Variants in PDZD2 observed in about 807,000 individuals in gnomAD.
PDZD2 encodes the protein PDZ domain containing 2.
PDZD2 carries 90 observed loss-of-function variants against 220.7 expected under a neutral mutation model. That is an observed-to-expected ratio of 0.41 (90% CI 0.34 to 0.49). The LOEUF is 0.49. Among genes scored for constraint, PDZD2 ranks in the 20% least tolerant of loss-of-function variants. The pLI is 0.28. For synonymous variants in PDZD2, 1,375 were observed against 1,450.5 expected, an observed-to-expected ratio of 0.95 and a Z score of 1.18; for missense variants, 3,174 against 3,608.5, an observed-to-expected ratio of 0.88 and a Z score of 3.08.
intron 2 of PDZD2, among the ~76,000 whole-genome samples, chr5:31,889,032 C>T (rs1013157748): frequency 6.6e-6 from 1 of 152,236 alleles, no homozygotes. Flanking sequence ...TCCCCTATCA[C>T]GTATGTTTTG....
chr5:31,840,949 C>T (rs1015606232), intron 2 of PDZD2: 9 of 457,784 alleles, frequency 2.0e-5, no homozygotes, highest in Non-Finnish European at 2.7e-5. Context: ...GGTGTCTCTC[C>T]TCTTTCTCTT....
At chr5:31,896,792 C>G (rs1741612022) in intron 2 of PDZD2, among the ~76,000 whole-genome samples, 1 of 152,088 alleles carries the variant, frequency 6.6e-6, no homozygotes, top group Non-Finnish European at 1.5e-5. Flanking sequence ...CCAGTCTCTA[C>G]AAAAAAATTT....
chr5:31,719,080 G>A (rs1258052439), intron 1 of PDZD2, among the ~76,000 whole-genome samples: 1 of 152,162 alleles, frequency 6.6e-6, no homozygotes, highest in African/African-American at 2.4e-5. Context: ...CTAGAAGTTA[G>A]TTTCAACATA....
At chr5:32,100,308 T>C (rs1022248841) in intron 23 of PDZD2, 1 of 174,958 alleles carries the variant, frequency 5.7e-6, no homozygotes, top group Non-Finnish European at 1.2e-5. Flanking sequence ...CCATCCGTGG[T>C]CCTTCCTCTG....
At chr5:31,759,234 C>T (rs1751485871) in intron 1 of PDZD2, among the ~76,000 whole-genome samples, 2 of 152,004 alleles carry the variant, frequency 1.3e-5, no homozygotes, top group South Asian at 4.2e-4. Flanking sequence ...TGTATTGTGA[C>T]CACCCTGCTC....
intron 1 of PDZD2, among the ~76,000 whole-genome samples, chr5:31,654,831 C>T (rs1745486488): frequency 6.6e-6 from 1 of 152,146 alleles, no homozygotes; most frequent in South Asian, 2.1e-4. Context: ...GAAATCATAT[C>T]CTGTCAGTTC....
chr5:31,745,324 T>C (rs1310212045), intron 1 of PDZD2, among the ~76,000 whole-genome samples: 4 of 152,216 alleles, frequency 2.6e-5, no homozygotes, highest in Non-Finnish European at 4.4e-5. Context: ...TTCGTATGTG[T>C]GGGTACGTGT....
At chr5:31,899,347 G>A (rs547209760) in intron 2 of PDZD2, among the ~76,000 whole-genome samples, 1 of 152,188 alleles carries the variant, frequency 6.6e-6, no homozygotes, top group African/African-American at 2.4e-5. Flanking sequence ...TGACCAGGCT[G>A]GTCTCGAACG....
intron 19 of PDZD2, among the ~76,000 whole-genome samples, chr5:32,082,794 T>C (rs905986516): frequency 6.6e-6 from 1 of 152,154 alleles, no homozygotes; most frequent in African/African-American, 2.4e-5. Flanking sequence ...CAGGAGCAAA[T>C]GGCCGACCAA....
At chr5:31,770,210 G>T (rs1383755696) in intron 1 of PDZD2, among the ~76,000 whole-genome samples, 1 of 151,996 alleles carries the variant, frequency 6.6e-6, no homozygotes, top group Non-Finnish European at 1.5e-5. Context: ...TTCTACCACA[G>T]CTTCTTAAGC....
chr5:31,742,997 T>C (rs73749655), intron 1 of PDZD2, among the ~76,000 whole-genome samples: 2,000 of 152,294 alleles, frequency 0.013, 43 homozygotes, highest in African/African-American at 0.045. Flanking sequence ...TTCAGAAACT[T>C]TTCCAAATAT....
chr5:31,920,419 T>G (rs1375835442), intron 2 of PDZD2, among the ~76,000 whole-genome samples: 1 of 151,840 alleles, frequency 6.6e-6, no homozygotes, highest in Non-Finnish European at 1.5e-5. Flanking sequence ...GTGGTGCATT[T>G]GTTAAAATTG....
At chr5:31,822,197 T>C (rs1023779462) in intron 2 of PDZD2, among the ~76,000 whole-genome samples, 9 of 152,142 alleles carry the variant, frequency 5.9e-5, no homozygotes, top group African/African-American at 1.9e-4. Flanking sequence ...TATAATCCTT[T>C]GGGTATATAC....
intron 5 of PDZD2, among the ~76,000 whole-genome samples, chr5:32,003,331 C>CCCACCACACACA (rs764711883): frequency 0.63 from 42,972 of 68,692 alleles, 15,495 homozygotes; most frequent in Non-Finnish European, 0.69. Flanking sequence ...ACACACACCC[C>CCCACCACACACA]CACCACACCA....
intron 2 of PDZD2, among the ~76,000 whole-genome samples, chr5:31,874,037 G>A (rs541259758): frequency 1.3e-5 from 2 of 152,198 alleles, no homozygotes; most frequent in Non-Finnish European, 2.9e-5. Flanking sequence ...TGCAGTCTTT[G>A]AGTCTTAATT....
At chr5:32,019,719 C>T (rs569910670) in intron 6 of PDZD2, among the ~76,000 whole-genome samples, 4 of 152,138 alleles carry the variant, frequency 2.6e-5, no homozygotes, top group Non-Finnish European at 4.4e-5. Flanking sequence ...ACTTTATTAT[C>T]GTTCTTTGGA....
At chr5:31,752,545 T>C (rs548402931) in intron 1 of PDZD2, among the ~76,000 whole-genome samples, 61 of 151,790 alleles carry the variant, frequency 4.0e-4, no homozygotes, top group Admixed American at 9.2e-4. Flanking sequence ...GGTCACTCTG[T>C]CTCAAAAATA....
At chr5:31,953,947 C>G (rs948191301) in intron 2 of PDZD2, among the ~76,000 whole-genome samples, 4 of 152,086 alleles carry the variant, frequency 2.6e-5, no homozygotes, top group African/African-American at 9.7e-5. Flanking sequence ...TCGCACCTGG[C>G]TAAAAAAATT....
At chr5:31,998,221 C>T (rs1344165740) in intron 4 of PDZD2, among the ~76,000 whole-genome samples, 3 of 152,166 alleles carry the variant, frequency 2.0e-5, no homozygotes. Flanking sequence ...CTGAGTGGCC[C>T]ACCCACACAG....
Sources: allele counts gnomAD v4.1 joint callset (sites outside exome capture counted in the v4.1 genomes callset), GRCh38; gene constraint gnomAD v4.1.1; transcripts MANE v1.5; gene names NCBI Gene and HGNC (gene_info 2026-07-23, HGNC 2026-07-21).